The following TNS2 variants were observed in gnomAD, a reference collection of about 807,000 sequenced individuals.
TNS2 encodes tensin 2.
A neutral mutation model predicts 155.7 loss-of-function variants in TNS2; 77 were observed. The observed-to-expected ratio is 0.49, with a 90% CI of 0.41 to 0.60. The LOEUF (loss-of-function observed/expected upper bound fraction) is 0.60, where lower values mean the gene tolerates loss of function less well. Ranked by LOEUF, TNS2 falls within the 20% of genes least tolerant of loss-of-function variation. The pLI, the probability that TNS2 is intolerant of heterozygous loss-of-function variation, is 0.00. For missense variants in TNS2, 1,703 were observed against 1,868.8 expected, an observed-to-expected ratio of 0.91 and a Z score of 1.64; for synonymous variants, 726 against 763.9, an observed-to-expected ratio of 0.95 and a Z score of 0.82.
Position 53,060,006 on chromosome 12 carries a change from T to C in TNS2, c.2365T>C (p.Tyr789His). The change falls in exon 18 of 29, where the codon TAC becomes CAC. Residue 789 changes from tyrosine to histidine, a missense_variant. Physicochemically the swap from Tyr to His is moderately conservative, Grantham distance 83. Coordinates refer to ENST00000314250, the MANE Select transcript of TNS2 (RefSeq NM_170754.4). The surrounding 1 kb of genome is among the most constrained non-coding windows in gnomAD (Gnocchi z 6.1). ...TCCAGGGTACCCTGCCCTGGTGACA[T>C]ACAGCTATGGAGGAGCAGTTCCCAG... ...GHPGYPALVT[Y>H]SYGGAVPSYC... 3.7e-6 allele frequency: 6 copies of C among 1,613,490 alleles called. No homozygotes were observed. The South Asian group carries it at 6.6e-5, about 18-fold the overall frequency.
upstream of TNS2, among the ~76,000 whole-genome samples, chr12:53,047,290 A>C (rs1943755379): frequency 2.9e-5 from 4 of 139,026 alleles, no homozygotes; most frequent in Non-Finnish European, 3.1e-5. Flanking sequence ...CGGCGCGGGC[A>C]CGGGCGGGAT....
At position 53,051,899 on chromosome 12, in the gene TNS2, G is replaced by T. The variant is rs758149531; in HGVS notation, c.120G>T (p.Arg40=). The change falls in exon 2 of 29, where the codon CGG becomes CGT. Residue 40 remains arginine (R), a synonymous_variant. Coordinates refer to ENST00000314250, the MANE Select transcript of TNS2 (RefSeq NM_170754.4). ...EPHSFREKVF[R]KKPPVCAVCK... ...ATAGCTTCCGGGAGAAGGTTTTCCG[G>T]AAGAAACCTCCAGTCTGTGCAGTAT... 4.3e-6 allele frequency: 7 copies of T among 1,613,604 alleles called. No homozygotes were observed. The Admixed American group carries it at 1.2e-4, about 27-fold the overall frequency.
In TNS2 at chr12:53,059,708, A is replaced by G. The variant is rs775783664; in HGVS notation, c.2067A>G (p.Pro689=). ...LEDPGLPALY[P]CPACEEKLAL... is the part of the protein sequence containing the mutation. ...ACCCTGGGCTGCCTGCCCTATACCC[A>G]TGCCCAGCCTGCGAGGAGAAGCTGG... Residue 689 remains proline, a synonymous_variant, in exon 18 of 29, where the codon CCA becomes CCG. Transcript: ENST00000314250. This position sits in a 1 kb window ranked among gnomAD's most constrained non-coding sequence, Gnocchi z 4.7. 4.3e-6 allele frequency: 7 copies of G among 1,613,018 alleles called. No individual in the cohort carries two copies. In the African/African-American group the frequency reaches 8.0e-5, roughly 18 times the overall value.
At chr12:53,061,614 C>T in intron 21 of TNS2, 145 bp downstream of exon 21, 1 of 1,329,144 alleles carries the variant, frequency 7.5e-7, no homozygotes, top group Non-Finnish European at 1.0e-6. Flanking sequence ...GCAGGTGATT[C>T]TGGGCTTTGG....
At position 53,050,158 on chromosome 12, in the gene TNS2, G is replaced by T; in HGVS notation, c.-28G>T. On this transcript the variant is annotated 5_prime_UTR_variant, in exon 1 of 29. Transcript: ENST00000314250. The surrounding 1 kb of genome is among the most constrained non-coding windows in gnomAD (Gnocchi z 4.7). ...AGGCCCCAGCATTGTTCAGGCCCTG[G>T]GGCCAGCACCCCAGCCAGCCGAACA... 1 of 1,604,624 alleles carries T rather than the reference G, an allele frequency of 6.2e-7. No homozygotes were observed. The highest frequency in any genetic ancestry group is 8.5e-7 in the Non-Finnish European group (1 of 1,176,844).
At chr12:53,047,481 G>C (rs1196731987), upstream of TNS2, among the ~76,000 whole-genome samples, 1 of 147,078 alleles carries the variant, frequency 6.8e-6, no homozygotes, top group Non-Finnish European at 1.5e-5. Flanking sequence ...GGTCGAGAGG[G>C]CGCGGGGCGC....
Position 53,060,372 on chromosome 12 carries a change from C to G in TNS2, c.2618-33C>G, listed in dbSNP as rs1332565119. 1 of 1,602,310 alleles carries G rather than the reference C, an allele frequency of 6.2e-7. No homozygotes were observed. The highest frequency in any genetic ancestry group is 2.2e-5 in the East Asian group (1 of 44,626). The stretch of plus-strand genomic sequence containing the variant: ...CTAAGCCAGACAGAAGAGCCCCATC[C>G]TGCTCACAGCCCACCTCTCCCCTTC... On this transcript the variant is annotated intron_variant, in intron 18 of 28. Transcript: ENST00000314250. This position sits in a 1 kb window ranked among gnomAD's most constrained non-coding sequence, Gnocchi z 6.1.
chr12:53,062,495 C>G lies in TNS2; in HGVS notation c.3745+42C>G, dbSNP rs777027686. The G allele has an allele frequency of 9.9e-6, 16 of 1,611,484 alleles. No homozygotes were observed. In the African/African-American group the frequency reaches 1.2e-4, roughly 12 times the overall value. ...CTGTCCTCCCCACCTCTCCCTACCC[C>G]CTGCAGCCAAAGCAGGATCCAGAGG... On this transcript the variant is annotated intron_variant, in intron 24 of 28. Transcript: ENST00000314250.
At position 53,050,298 on chromosome 12, in the gene TNS2, G is replaced by A. The variant is rs1252169796; in HGVS notation, c.75+38G>A. On this transcript the variant is annotated intron_variant, in intron 1 of 28. Coordinates refer to ENST00000314250, the MANE Select transcript of TNS2 (RefSeq NM_170754.4). The surrounding 1 kb of genome is among the most constrained non-coding windows in gnomAD (Gnocchi z 4.7). The stretch of plus-strand genomic sequence containing the variant: ...ACCAGCTGGGCAAAAGAGGGGCAGG[G>A]GTGGAGGTGCGGGCAGTGGGGGAGG... 1.3e-6 allele frequency: 2 copies of A among 1,564,454 alleles called. No homozygotes were observed. Among genetic ancestry groups the A allele is most frequent in the Admixed American group, 1.9e-5 (1 of 52,428 alleles).
intron 4 of TNS2, 140 bp from the exon 5 acceptor site, chr12:53,053,634 G>T: frequency 7.1e-7 from 1 of 1,408,874 alleles, no homozygotes. Flanking sequence ...TGGGCCTGCT[G>T]GGGGTAGGAC....
At chr12:53,057,706 AG>A in intron 12 of TNS2, 27 bp downstream of exon 12, 1 of 1,613,646 alleles carries the variant, frequency 6.2e-7, no homozygotes, top group South Asian at 1.1e-5. Context: ...TGTGCTCCCT[AG>A]GGAGAACCAC....
upstream of TNS2, chr12:53,049,365 C>G (rs1316171142): frequency 4.7e-6 from 4 of 860,148 alleles, no homozygotes; most frequent in African/African-American, 5.3e-5. Flanking sequence ...TGAAACAAAG[C>G]CAGGGAATGG....
In TNS2 at chr12:53,062,660, C is replaced by T. The variant is rs1944420584; in HGVS notation, c.3786C>T (p.Asn1262=). 2.5e-6 allele frequency: 4 copies of T among 1,614,052 alleles called. No homozygotes were observed. Among genetic ancestry groups the T allele is most frequent in the Non-Finnish European group, 3.4e-6 (4 of 1,179,980 alleles). Residue 1262 remains asparagine, a synonymous_variant, in exon 25 of 29, where the codon AAC becomes AAT. Coordinates refer to ENST00000314250, the MANE Select transcript of TNS2 (RefSeq NM_170754.4). ...CCCCAGAGGCTCCAGTGCCCACCAACATGAGCACAGCGGCAGACCTCCTGC... is the reference window on the plus strand; with the variant it reads ...CCCCAGAGGCTCCAGTGCCCACCAATATGAGCACAGCGGCAGACCTCCTGC... ...EETPEAPVPT[N]MSTAADLLRQ...
chr12:53,064,031 T>C lies in TNS2; in HGVS notation c.*149T>C. ...GTGGGCATCAGGCCTGGGACACTGC[T>C]CTCCTTCCCCGCCCCCAGCCTGCTA... is the stretch of plus-strand genomic sequence containing the variant. On this transcript the variant is annotated 3_prime_UTR_variant, in exon 29 of 29. Coordinates refer to ENST00000314250, the MANE Select transcript of TNS2 (RefSeq NM_170754.4). 1.2e-6 allele frequency: 1 copy of C among 836,848 alleles called. No homozygotes were observed. The allele number at this position is 836,848 out of a possible 1,614,324, so 51.8% of individuals were successfully genotyped here.
chr12:53,053,807 C>T lies in TNS2; in HGVS notation c.295C>T (p.His99Tyr), dbSNP rs778947225. 2 of 1,612,470 alleles carry T rather than the reference C, an allele frequency of 1.2e-6. No homozygotes were observed. The highest frequency in any genetic ancestry group is 4.5e-5 in the East Asian group (2 of 44,874). ...CACGGCCCCAGTCAGGCGCATAGAG[C>T]ACCTGGTAAGGTGATGCTGGAGCAG... ...RNTAPVRRIE[H>Y]LGSTKSLNHS... The change falls in exon 5 of 29, where the codon CAC (histidine) becomes TAC (tyrosine). Residue 99 changes from histidine to tyrosine, a missense_variant. His to Tyr is a moderately conservative substitution (Grantham distance 83, BLOSUM62 2). Transcript: ENST00000314250.
In TNS2 at chr12:53,055,024, C is replaced by G. The variant is rs184743992; in HGVS notation, c.523-162C>G. Among the ~76,000 whole-genome samples, 4 of 151,996 alleles carry G rather than the reference C, an allele frequency of 2.6e-5. No homozygotes were observed. In the East Asian group the frequency reaches 7.7e-4, roughly 29 times the overall value. ...GTCTCGAACTCCTGACCTCAGGTGA[C>G]CCGCCCGCCTTGGTCTCCCAAAGTG... On this transcript the variant is annotated intron_variant, in intron 7 of 28. Coordinates refer to ENST00000314250, the MANE Select transcript of TNS2 (RefSeq NM_170754.4).
At position 53,050,915 on chromosome 12, in the gene TNS2, C is replaced by T. The variant is rs1275543264; in HGVS notation, c.75+655C>T. Among the ~76,000 whole-genome samples the T allele has an allele frequency of 1.3e-5, 2 of 152,020 alleles. No individual in the cohort carries two copies. Among genetic ancestry groups the T allele is most frequent in the African/African-American group, 2.4e-5 (1 of 41,364 alleles). On this transcript the variant is annotated intron_variant, in intron 1 of 28. Transcript: ENST00000314250. The surrounding 1 kb of genome is among the most constrained non-coding windows in gnomAD (Gnocchi z 4.7). The stretch of plus-strand genomic sequence containing the variant: ...CTGAGATACTACTGTGATGGGTCCC[C>T]GGGAGGAGGACAGCAGGAGTCTGAA...
At chr12:53,049,136 G>T, upstream of TNS2, 1 of 1,547,676 alleles carries the variant, frequency 6.5e-7, no homozygotes, top group Non-Finnish European at 8.7e-7. Flanking sequence ...GAGGGAGGCC[G>T]GAGGCCCATG....
intron 4 of TNS2, 123 bp from the exon 5 acceptor site, chr12:53,053,651 C>A: frequency 6.8e-7 from 1 of 1,472,708 alleles, no homozygotes; most frequent in African/African-American, 1.4e-5. Context: ...GGACTCCTCT[C>A]CCCTTATCCA....
Sources: allele counts gnomAD v4.1 joint callset (sites outside exome capture counted in the v4.1 genomes callset), GRCh38; gene constraint gnomAD v4.1.1; non-coding constraint Gnocchi (gnomAD v3.1); transcripts MANE v1.5; gene names NCBI Gene and HGNC (gene_info 2026-07-23, HGNC 2026-07-21).